The following SEMA4F variants were observed in gnomAD, a reference collection of about 807,000 sequenced individuals.
SEMA4F encodes semaphorin-4F.
SEMA4F carries 51 observed loss-of-function variants against 78.4 expected under a neutral mutation model. That is an observed-to-expected ratio of 0.65 (90% CI 0.52 to 0.82). The LOEUF is 0.82. SEMA4F is among the 40% of genes least tolerant of loss of function. The pLI is 0.00. For missense variants in SEMA4F, 938 were observed against 1,014.4 expected (o/e 0.92, Z 1.02); for synonymous variants, 418 against 408.7 (o/e 1.02, Z -0.27).
At chr2:74,669,179 A>G (rs528856279) in intron 5 of SEMA4F, among the ~76,000 whole-genome samples, 1 of 152,222 alleles carries the variant, frequency 6.6e-6, no homozygotes, top group East Asian at 1.9e-4. Context: ...ATAGTGGCGC[A>G]TGCCTGTGGT....
chr2:74,679,910 G>A lies in SEMA4F; in HGVS notation c.2014G>A (p.Ala672Thr), dbSNP rs1245004816. 20 of 1,614,054 alleles carry A rather than the reference G, an allele frequency of 1.2e-5. No homozygotes were observed. The highest frequency in any genetic ancestry group is 2.2e-5 in the East Asian group (1 of 44,904). ...GGCTGGCTTCTTCTTGGGGATTCTC[G>A]CAGCATCCCTGACTCTCATTCTGAT... ...GLAGFFLGIL[A>T]ASLTLILIGR... The change falls in exon 14 of 14, where the codon GCA becomes ACA. Residue 672 changes from alanine to threonine, a missense_variant. Coordinates refer to ENST00000357877, the MANE Select transcript of SEMA4F (RefSeq NM_004263.5).
intron 2 of SEMA4F, among the ~76,000 whole-genome samples, chr2:74,657,317 A>G (rs1684203943): frequency 6.6e-6 from 1 of 152,232 alleles, no homozygotes; most frequent in Admixed American, 6.5e-5. Flanking sequence ...TCTTGAAACA[A>G]TATCTACCTC....
At chr2:74,698,109 A>T in the SEMA4F span, among the ~76,000 whole-genome samples, 1 of 152,230 alleles carries the variant, frequency 6.6e-6, no homozygotes, top group Non-Finnish European at 1.5e-5. Context: ...AGATGGGCAC[A>T]TCCCTTAGGG....
intron 5 of SEMA4F, among the ~76,000 whole-genome samples, chr2:74,664,425 G>A (rs1469047202): frequency 1.3e-5 from 2 of 151,144 alleles, no homozygotes; most frequent in African/African-American, 2.5e-5. Flanking sequence ...CCATATGACT[G>A]TAATGAACAT....
At chr2:74,679,446 G>A (rs781482621) in intron 13 of SEMA4F, 112 bp downstream of exon 13, 2 of 1,467,144 alleles carry the variant, frequency 1.4e-6, no homozygotes, top group Admixed American at 3.5e-5. Flanking sequence ...AGATGTGGCA[G>A]CCAGGAACCT....
chr2:74,654,448 G>T lies in SEMA4F; in HGVS notation c.72G>T (p.Leu24=), dbSNP rs1452314532. The T allele has an allele frequency of 1.3e-6, 2 of 1,573,484 alleles. No homozygotes were observed. ...QPTASPFPLL[L]LAVLSGPVSG... ...CAGCCTCGCCCTTCCCGCTACTGCT[G>T]CTGGCGGTGCTGAGCGGCCCGGTAT... is the stretch of plus-strand genomic sequence containing the variant. The change falls in exon 1 of 14, where the codon CTG becomes CTT. Residue 24 remains leucine (L), a synonymous_variant. Transcript: ENST00000357877.
intron 5 of SEMA4F, among the ~76,000 whole-genome samples, chr2:74,668,159 G>A (rs1187258272): frequency 6.8e-6 from 1 of 146,656 alleles, no homozygotes; most frequent in Non-Finnish European, 1.5e-5. Flanking sequence ...AATAGATAGG[G>A]TTTCTATCAA....
the SEMA4F span, among the ~76,000 whole-genome samples, chr2:74,695,198 G>A: frequency 6.6e-6 from 1 of 152,234 alleles, no homozygotes; most frequent in African/African-American, 2.4e-5. Flanking sequence ...AACAGCATCA[G>A]ACACTCAGCC....
At chr2:74,702,967 A>T in the SEMA4F span, among the ~76,000 whole-genome samples, 43,768 of 152,082 alleles carry the variant, frequency 0.29, 9,373 homozygotes, top group East Asian at 0.82. Flanking sequence ...CACTTCATAA[A>T]TCTTTCTGAA....
chr2:74,693,572 T>C, the SEMA4F span, among the ~76,000 whole-genome samples: 1 of 152,380 alleles, frequency 6.6e-6, no homozygotes, highest in East Asian at 1.9e-4. Context: ...AGTAAGATGA[T>C]GGTATAGTTT....
Position 74,679,363 on chromosome 2 carries a change from A to G in SEMA4F, c.1702+29A>G, listed in dbSNP as rs769167567. 5.7e-6 allele frequency: 9 copies of G among 1,575,702 alleles called. No individual in the cohort carries two copies. In the Admixed American group the frequency reaches 8.3e-5, roughly 15 times the overall value. ...TGTATGGTCTGTATGGATTAGGGAAATGTGGGTGGAGTGGATGGAAAGGGG... is the reference window on the plus strand; with the variant it reads ...TGTATGGTCTGTATGGATTAGGGAAGTGTGGGTGGAGTGGATGGAAAGGGG... On this transcript the variant is annotated intron_variant, in intron 13 of 13. Coordinates refer to ENST00000357877, the MANE Select transcript of SEMA4F (RefSeq NM_004263.5).
the SEMA4F span, among the ~76,000 whole-genome samples, chr2:74,699,641 G>A: frequency 6.6e-6 from 1 of 152,228 alleles, no homozygotes; most frequent in East Asian, 1.9e-4. Context: ...GATGGAACCT[G>A]GGGGAAGATA....
rs536687035 is a variant in SEMA4F at position 74,673,554 on chromosome 2, T to C, written c.648T>C (p.Asp216=). ...VGRAEDWIRT[D]TLPSWLNAPA... is the part of the protein sequence containing the mutation. The stretch of plus-strand genomic sequence containing the variant: ...GTGCCGAGGACTGGATTCGGACAGA[T>C]ACCTTGCCTTCCTGGCTGAACGGTG... The change falls in exon 6 of 14, where the codon GAT becomes GAC. Residue 216 remains aspartate (D), a synonymous_variant. Transcript: ENST00000357877. The C allele has an allele frequency of 6.2e-7, 1 of 1,614,184 alleles. No individual in the cohort carries two copies. The highest frequency in any genetic ancestry group is 1.7e-5 in the Admixed American group (1 of 60,024).
downstream of SEMA4F, among the ~76,000 whole-genome samples, chr2:74,688,548 G>A (rs750393959): frequency 6.6e-6 from 1 of 152,154 alleles, no homozygotes; most frequent in Admixed American, 6.5e-5. Context: ...GATTAATAAG[G>A]TGATATGAAG....
At chr2:74,691,417 G>T in the SEMA4F span, among the ~76,000 whole-genome samples, 119 of 152,282 alleles carry the variant, frequency 7.8e-4, 1 homozygote, top group East Asian at 0.018. Flanking sequence ...AGGCATCCTC[G>T]GGGAGCATGC....
rs1685543522 is a variant in SEMA4F at position 74,680,236 on chromosome 2, A to G, written c.*27A>G. On this transcript the variant is annotated 3_prime_UTR_variant, in exon 14 of 14. Coordinates refer to ENST00000357877, the MANE Select transcript of SEMA4F (RefSeq NM_004263.5). The stretch of plus-strand genomic sequence containing the variant: ...GCTGGGCAAATGACCACTAGTGTAT[A>G]AGTGATCACTGGAACGGAGTGACCA... 2 of 1,530,366 alleles carry G rather than the reference A, an allele frequency of 1.3e-6. No homozygotes were observed. Among genetic ancestry groups the G allele is most frequent in the Non-Finnish European group, 1.8e-6 (2 of 1,135,546 alleles). The allele number at this position is 1,530,366 out of a possible 1,614,324, so 94.8% of individuals were successfully genotyped here.
rs556699511 is a variant in SEMA4F at position 74,671,567 on chromosome 2, G to T, written c.551-1890G>T. Among the ~76,000 whole-genome samples, 41 of 152,256 alleles carry T rather than the reference G, an allele frequency of 2.7e-4. 2 individuals are homozygous for T. In the South Asian group the frequency reaches 8.5e-3, roughly 32 times the overall value. ...CCTTAAATGAGAGTGCTCTCTTCTG[G>T]CTTTACCTTTTTCCTGGGCTATGAC... is the stretch of plus-strand genomic sequence containing the variant. On this transcript the variant is annotated intron_variant, in intron 5 of 13. Coordinates refer to ENST00000357877, the MANE Select transcript of SEMA4F (RefSeq NM_004263.5).
chr2:74,677,412 G>A (rs371029669), intron 12 of SEMA4F, among the ~76,000 whole-genome samples: 107 of 151,806 alleles, frequency 7.0e-4, no homozygotes, highest in African/African-American at 2.4e-3. Context: ...CTTTCTGTCC[G>A]TATCTCTAAC....
chr2:74,706,124 T>A, the SEMA4F span, among the ~76,000 whole-genome samples: 2 of 152,294 alleles, frequency 1.3e-5, no homozygotes, highest in Admixed American at 6.5e-5. Flanking sequence ...TGAATTTTTT[T>A]TAACATTTTA....
Sources: allele counts gnomAD v4.1 joint callset (sites outside exome capture counted in the v4.1 genomes callset), GRCh38; gene constraint gnomAD v4.1.1; transcripts MANE v1.5; gene names NCBI Gene and HGNC (gene_info 2026-07-23, HGNC 2026-07-21).